PAX5: variants seen among roughly 807,000 people sequenced by gnomAD.
The protein encoded by PAX5 is paired box protein Pax-5.
A neutral mutation model predicts 43.7 loss-of-function variants in PAX5; 9 were observed. The ratio of observed to expected loss-of-function variants is 0.21; its 90% confidence interval spans 0.12 to 0.36. PAX5 has a LOEUF of 0.36. PAX5 is among the 10% of genes least tolerant of loss of function. The probability of loss-of-function intolerance (pLI) is 1.00; values close to 1 mark genes in which losing one functional copy is unlikely to be tolerated. For synonymous variants in PAX5, 228 were observed against 214.3 expected, an observed-to-expected ratio of 1.06 and a Z score of -0.56; for missense variants, 383 against 532.7, an observed-to-expected ratio of 0.72 and a Z score of 2.77.
At chr9:37,004,769 C>T (rs1264850617) in intron 4 of PAX5, among the ~76,000 whole-genome samples, 1 of 152,224 alleles carries the variant, frequency 6.6e-6, no homozygotes, top group East Asian at 1.9e-4. Flanking sequence ...AACCAAAGCT[C>T]ACCATGTTGC....
chr9:36,910,598 G>T (rs1319689513), intron 7 of PAX5, among the ~76,000 whole-genome samples: 1 of 152,216 alleles, frequency 6.6e-6, no homozygotes, highest in Non-Finnish European at 1.5e-5. Context: ...GTTGGGCAGT[G>T]CCTGGTCTAT....
Position 36,882,187 on chromosome 9 carries a change from C to T in PAX5, c.911-82G>A, listed in dbSNP as rs906814900. The T allele has an allele frequency of 4.8e-5, 55 of 1,156,146 alleles. No individual in the cohort carries two copies. The highest frequency in any genetic ancestry group is 6.5e-5 in the Non-Finnish European group (53 of 821,342). The allele number at this position is 1,156,146 out of a possible 1,614,324, so 71.6% of individuals were successfully genotyped here. Reference sequence around the variant, plus strand: ...GTCCACAGCTCCCTGGACGCTTCTGCACATTTGTCACGTTTGGACGCTGAA... The same window carrying T: ...GTCCACAGCTCCCTGGACGCTTCTGTACATTTGTCACGTTTGGACGCTGAA... On this transcript the variant is annotated intron_variant, in intron 7 of 9. Transcript: ENST00000358127. The surrounding 1 kb of genome is among the most constrained non-coding windows in gnomAD (Gnocchi z 4.4).
intron 6 of PAX5, among the ~76,000 whole-genome samples, chr9:36,935,048 A>G (rs1034242660): frequency 1.4e-4 from 22 of 152,218 alleles, no homozygotes; most frequent in African/African-American, 5.3e-4. Context: ...CTCTTTATTC[A>G]TTTGTTTCTC....
intron 7 of PAX5, among the ~76,000 whole-genome samples, chr9:36,911,008 C>T (rs983899565): frequency 2.0e-5 from 3 of 152,184 alleles, no homozygotes; most frequent in African/African-American, 4.8e-5. Flanking sequence ...TGCCTTTCCC[C>T]GAGCTCCCCA....
At chr9:36,871,057 A>G (rs1825439313) in intron 8 of PAX5, among the ~76,000 whole-genome samples, 1 of 152,196 alleles carries the variant, frequency 6.6e-6, no homozygotes, top group South Asian at 2.1e-4. Flanking sequence ...AGACTCAACC[A>G]CAAAACAGAG....
intron 8 of PAX5, among the ~76,000 whole-genome samples, chr9:36,873,789 C>T (rs1001968364): frequency 1.3e-5 from 2 of 152,254 alleles, no homozygotes; most frequent in Non-Finnish European, 2.9e-5. Context: ...ATTCCAATGT[C>T]TTCAGTACTA....
chr9:36,994,670 C>T (rs927556728), intron 5 of PAX5, among the ~76,000 whole-genome samples: 1 of 152,208 alleles, frequency 6.6e-6, no homozygotes, highest in South Asian at 2.1e-4. Flanking sequence ...CCGAGAGCAA[C>T]TTGAGCGGGG....
chr9:36,982,918 C>T (rs1836063956), intron 5 of PAX5, among the ~76,000 whole-genome samples: 1 of 152,132 alleles, frequency 6.6e-6, no homozygotes, highest in South Asian at 2.1e-4. Context: ...TAAGCATGAT[C>T]AGATCAGAGG....
chr9:37,000,670 C>T (rs866601849), intron 5 of PAX5, among the ~76,000 whole-genome samples: 2 of 152,148 alleles, frequency 1.3e-5, no homozygotes, highest in Admixed American at 1.3e-4. Context: ...TGTTGGCAGC[C>T]CAACAAGTGG....
intron 8 of PAX5, among the ~76,000 whole-genome samples, chr9:36,875,311 T>A: frequency 6.6e-6 from 1 of 152,244 alleles, no homozygotes; most frequent in East Asian, 1.9e-4. Flanking sequence ...GACTAGGTGC[T>A]AGGCACTGTG....
At chr9:37,000,883 T>C (rs1300146842) in intron 5 of PAX5, among the ~76,000 whole-genome samples, 2 of 152,226 alleles carry the variant, frequency 1.3e-5, no homozygotes, top group African/African-American at 4.8e-5. Flanking sequence ...CTCCAAATAC[T>C]TGAAGGCAGC....
rs1181429034 is a variant in PAX5, at chr9:36,935,642, C to T, written c.781-12158G>A. On this transcript the variant is annotated intron_variant, in intron 6 of 9. Coordinates refer to ENST00000358127, the MANE Select transcript of PAX5 (RefSeq NM_016734.3). ...GACTAATCAGAAGGCCCTTTTCTTC[C>T]CCTGTCCTCTTACGGAATTTTAGTA... Among the ~76,000 whole-genome samples, 3 of 152,310 alleles carry T rather than the reference C, an allele frequency of 2.0e-5. No homozygotes were observed. In the East Asian group the frequency reaches 5.8e-4, roughly 29 times the overall value.
intron 1 of PAX5, among the ~76,000 whole-genome samples, chr9:37,024,374 TA>T (rs1172000603): frequency 1.3e-5 from 2 of 150,438 alleles, no homozygotes; most frequent in Non-Finnish European, 3.0e-5. Flanking sequence ...GAAGCAGTGG[TA>T]GGGGGACGGA....
chr9:36,906,803 G>A (rs559623412), intron 7 of PAX5, among the ~76,000 whole-genome samples: 2 of 152,340 alleles, frequency 1.3e-5, no homozygotes, highest in East Asian at 3.9e-4. Context: ...AGCCCAGGCA[G>A]GGCTTTTAGT....
intron 5 of PAX5, among the ~76,000 whole-genome samples, chr9:36,976,130 T>A (rs1588127689): frequency 6.6e-6 from 1 of 152,196 alleles, no homozygotes; most frequent in East Asian, 1.9e-4. Flanking sequence ...AAGACAGATT[T>A]GAGGCTGTTC....
At chr9:36,917,773 C>T (rs1829834548) in intron 7 of PAX5, among the ~76,000 whole-genome samples, 1 of 152,216 alleles carries the variant, frequency 6.6e-6, no homozygotes, top group African/African-American at 2.4e-5. Flanking sequence ...TTCTGGCAAC[C>T]CTGTGTCAAG....
At chr9:36,932,768 G>C (rs1831231556) in intron 6 of PAX5, among the ~76,000 whole-genome samples, 1 of 152,084 alleles carries the variant, frequency 6.6e-6, no homozygotes, top group South Asian at 2.1e-4. Flanking sequence ...GAGTGTGTCG[G>C]GGGAGGGATA....
At chr9:37,028,718 C>T (rs1210042186) in intron 1 of PAX5, among the ~76,000 whole-genome samples, 1 of 152,230 alleles carries the variant, frequency 6.6e-6, no homozygotes, top group Non-Finnish European at 1.5e-5. Flanking sequence ...GGCGGGTGGA[C>T]AGGCGCATTC....
At chr9:36,843,032 ATG>A (rs1270260184) in intron 9 of PAX5, among the ~76,000 whole-genome samples, 1 of 151,216 alleles carries the variant, frequency 6.6e-6, no homozygotes, top group Non-Finnish European at 1.5e-5. Context: ...ATGTGCGTGT[ATG>A]TGTGCATGTG....
Sources: allele counts gnomAD v4.1 joint callset (sites outside exome capture counted in the v4.1 genomes callset), GRCh38; gene constraint gnomAD v4.1.1; non-coding constraint Gnocchi (gnomAD v3.1); transcripts MANE v1.5; gene names NCBI Gene and HGNC (gene_info 2026-07-23, HGNC 2026-07-21).